Variants in CDH26 observed in about 807,000 individuals in gnomAD.
The protein encoded by CDH26 is cadherin-like protein 26.
CDH26 carries 83 observed loss-of-function variants against 90.3 expected under a neutral mutation model. That is an observed-to-expected ratio of 0.92 (90% CI 0.77 to 1.10). CDH26 has a LOEUF of 1.10. Ranked by LOEUF, CDH26 falls within the 50% of genes least tolerant of loss-of-function variation. CDH26 has a pLI of 0.00. For missense variants in CDH26, 1,013 were observed against 1,037.6 expected, an observed-to-expected ratio of 0.98 and a Z score of 0.33; for synonymous variants, 397 against 396.3, an observed-to-expected ratio of 1.00 and a Z score of -0.02.
rs2061695397 is a variant in CDH26 at position 60,002,922 on chromosome 20, A to G, written c.2220+56A>G. The G allele has an allele frequency of 2.3e-6, 3 of 1,328,416 alleles. No individual in the cohort carries two copies. The Admixed American group carries it at 6.8e-5, about 30-fold the overall frequency. 82.3% of individuals were successfully genotyped at this position (1,328,416 alleles called of 1,614,324 possible). On this transcript the variant is annotated intron_variant, in intron 16 of 17. Coordinates refer to ENST00000348616, the MANE Select transcript of CDH26 (RefSeq NM_177980.4). ...AAATTTACCTTATTGTTCTGCCTAA[A>G]AGCTGTGCAAATCCCTGAAAATTGG... is the stretch of plus-strand genomic sequence containing the variant.
In CDH26 at chr20:59,992,467, C is replaced by A; in HGVS notation, c.1373C>A (p.Ser458Tyr). ...VITVEPIDRE[S>Y]PHVNNSFYVI... is the part of the protein sequence containing the mutation. Reference sequence around the variant, plus strand: ...ACCGTGGAGCCAATTGACCGAGAATCCCCTCATGTAAATAACAGTTTTTAT... The same window carrying A: ...ACCGTGGAGCCAATTGACCGAGAATACCCTCATGTAAATAACAGTTTTTAT... The change falls in exon 10 of 18, where the codon TCC becomes TAC. Residue 458 changes from serine to tyrosine, a missense_variant. Physicochemically the swap from Ser to Tyr is moderately radical, Grantham distance 144. Coordinates refer to ENST00000348616, the MANE Select transcript of CDH26 (RefSeq NM_177980.4). This position sits in a 1 kb window ranked among gnomAD's most constrained non-coding sequence, Gnocchi z 5.0. The A allele has an allele frequency of 1.2e-6, 2 of 1,614,088 alleles. No individual in the cohort carries two copies. The highest frequency in any genetic ancestry group is 1.6e-4 in the Middle Eastern group (1 of 6,062).
intron 1 of CDH26, among the ~76,000 whole-genome samples, chr20:59,967,837 CTTTCTTTCTT>C (rs2061173696): frequency 1.3e-5 from 1 of 76,056 alleles, no homozygotes; most frequent in South Asian, 5.1e-4. Context: ...TTCTTTCTTT[CTTTCTTTCTT>C]TCTTTCTTTC....
intron 13 of CDH26, among the ~76,000 whole-genome samples, chr20:59,997,876 C>T (rs1235933966): frequency 1.3e-5 from 2 of 152,212 alleles, no homozygotes; most frequent in Admixed American, 6.5e-5. Context: ...AGCTGGTGCT[C>T]GCCCAAGGCT....
At position 60,012,543 on chromosome 20, in the gene CDH26, A is replaced by T. The variant is rs556979366; in HGVS notation, c.2312A>T (p.Asn771Ile). Reference protein sequence around the residue: ...ETLNQKLHVANVLEDDPGYLP... With the variant: ...ETLNQKLHVAIVLEDDPGYLP... ...TTTCCCCAGAAACTCCATGTTGCCA[A>T]TGTGCTGGAAGATGACCCCGGCTAC... is the stretch of plus-strand genomic sequence containing the variant. The change falls in exon 18 of 18, where the codon AAT becomes ATT. Residue 771 changes from asparagine (N) to isoleucine (I), a missense_variant. Physicochemically the swap from Asn to Ile is moderately radical, Grantham distance 149. Coordinates refer to ENST00000348616, the MANE Select transcript of CDH26 (RefSeq NM_177980.4). 6.2e-7 allele frequency: 1 copy of T among 1,612,870 alleles called. No individual in the cohort carries two copies. Among genetic ancestry groups the T allele is most frequent in the African/African-American group, 1.3e-5 (1 of 74,982 alleles).
chr20:59,959,438 C>T (rs1477230631), intron 1 of CDH26, among the ~76,000 whole-genome samples: 1 of 151,192 alleles, frequency 6.6e-6, no homozygotes, highest in East Asian at 1.9e-4. Flanking sequence ...GACAGGGTCT[C>T]GTCATCCAGG....
At chr20:60,023,141 G>A (rs1569069290) in intron 7 of CDH26, among the ~76,000 whole-genome samples, 1 of 152,340 alleles carries the variant, frequency 6.6e-6, no homozygotes, top group East Asian at 1.9e-4. Context: ...TCTGGTCACT[G>A]CCGTCAGAGC....
At chr20:59,994,040 G>A (rs2061560467) in intron 10 of CDH26, among the ~76,000 whole-genome samples, 1 of 152,102 alleles carries the variant, frequency 6.6e-6, no homozygotes, top group Admixed American at 6.5e-5. Flanking sequence ...ATTTGAGGTG[G>A]TAAGTGCTTT....
At chr20:59,989,715 T>A (rs2061505569) in intron 9 of CDH26, among the ~76,000 whole-genome samples, 1 of 152,192 alleles carries the variant, frequency 6.6e-6, no homozygotes, top group South Asian at 2.1e-4. Context: ...TTGGTTTTCC[T>A]TTGCATCTTC....
Position 60,020,480 on chromosome 20 carries a change from G to A in CDH26, c.948-10751G>A, listed in dbSNP as rs148724216. Among the ~76,000 whole-genome samples the A allele has an allele frequency of 4.8e-3, 728 of 152,324 alleles. 4 individuals carry two copies. Among genetic ancestry groups the A allele is most frequent in the Admixed American group, 0.013 (192 of 15,304 alleles). ...CGTTTGTCCCACTGGAAATGTGGGCGGTGAAGGGTGGGTTTCTTTTTTGGG... is the reference window on the plus strand; with the variant it reads ...CGTTTGTCCCACTGGAAATGTGGGCAGTGAAGGGTGGGTTTCTTTTTTGGG... On this transcript the variant is annotated intron_variant, in intron 7 of 8. Transcript: ENST00000370991.
intron 4 of CDH26, among the ~76,000 whole-genome samples, chr20:59,974,586 A>T (rs1002020544): frequency 1.3e-5 from 2 of 152,124 alleles, no homozygotes; most frequent in Non-Finnish European, 2.9e-5. Context: ...CATCCCCATT[A>T]ATTCTGTTAT....
At chr20:60,009,687 G>A (rs1228481093) in intron 17 of CDH26, among the ~76,000 whole-genome samples, 1 of 152,120 alleles carries the variant, frequency 6.6e-6, no homozygotes, top group East Asian at 1.9e-4. Flanking sequence ...GGATGGTGGT[G>A]TATGATGAAT....
At chr20:60,006,295 A>G (rs974252240) in intron 16 of CDH26, among the ~76,000 whole-genome samples, 1 of 152,236 alleles carries the variant, frequency 6.6e-6, no homozygotes, top group African/African-American at 2.4e-5. Context: ...AGATCCACAG[A>G]CATGGGCCAG....
In CDH26 at chr20:60,021,877, C is replaced by CAT. The variant is rs1251183870; in HGVS notation, c.948-9353_948-9352insTA. On this transcript the variant is annotated intron_variant, in intron 7 of 8. Coordinates refer to the CDH26 transcript ENST00000370991. Reference sequence around the variant, plus strand: ...ACACACACACACACACACACACACACACACACACACACACACACACATATA... The same window carrying CAT: ...ACACACACACACACACACACACACACATACACACACACACACACACACATATA... Among the ~76,000 whole-genome samples, 305 of 99,456 alleles carry CAT rather than the reference C, an allele frequency of 3.1e-3. 9 individuals carry two copies. The highest frequency in any genetic ancestry group is 3.9e-3 in the African/African-American group (113 of 29,158). The allele number at this position is 99,456 out of a possible 152,430, so 65.2% of individuals were successfully genotyped here.
Position 59,996,750 on chromosome 20 carries a change from A to T in CDH26, c.2008A>T (p.Thr670Ser). Residue 670 changes from threonine (T) to serine (S), a missense_variant, in exon 13 of 18, where the codon ACT (threonine) becomes TCT (serine). Physicochemically the swap from Thr to Ser is moderately conservative, Grantham distance 58. Transcript: ENST00000348616. ...LVMYNAESKG[T>S]SAQTWSDVEG... ...CATGTATAATGCGGAGAGCAAAGGC[A>T]CTTCAGCCCAGGTAGTGGAATGTCA... is the stretch of plus-strand genomic sequence containing the variant. 1 of 1,614,238 alleles carries T rather than the reference A, an allele frequency of 6.2e-7. No homozygotes were observed. Among genetic ancestry groups the T allele is most frequent in the African/African-American group, 1.3e-5 (1 of 75,056 alleles).
chr20:59,958,449 C>T lies in CDH26; in HGVS notation c.-278C>T. ...GCCAGTCTTTTGTGTACGTGCAGGA[C>T]CATGGTGGCTTTAGTTTCTACCCCA... On this transcript the variant is annotated 5_prime_UTR_variant, in exon 1 of 18. Transcript: ENST00000348616. 2.4e-6 allele frequency: 1 copy of T among 418,066 alleles called. No homozygotes were observed. Among genetic ancestry groups the T allele is most frequent in the Non-Finnish European group, 4.3e-6 (1 of 230,340 alleles). The allele number at this position is 418,066 out of a possible 1,614,324, so 25.9% of individuals were successfully genotyped here.
At chr20:60,032,370 C>T (rs958486216) in intron 8 of CDH26, among the ~76,000 whole-genome samples, 1 of 152,072 alleles carries the variant, frequency 6.6e-6, no homozygotes, top group South Asian at 2.1e-4. Context: ...GCCAGGGAGA[C>T]GAGGAGGTGA....
downstream of CDH26, among the ~76,000 whole-genome samples, chr20:60,018,535 G>C (rs1370513099): frequency 6.6e-6 from 1 of 151,708 alleles, no homozygotes. Flanking sequence ...ATATAGTTGG[G>C]TTATTTTAAA....
chr20:59,996,428 T>G, intron 12 of CDH26: 1 of 1,573,428 alleles, frequency 6.4e-7, no homozygotes, highest in Non-Finnish European at 8.6e-7. Context: ...CAGATAGTAT[T>G]ATTGATTAAT....
chr20:59,976,600 T>C (rs1196816849), intron 4 of CDH26, among the ~76,000 whole-genome samples: 1 of 151,984 alleles, frequency 6.6e-6, no homozygotes, highest in Non-Finnish European at 1.5e-5. Context: ...TGGAGGAGAA[T>C]GTAGAGATGG....
Sources: allele counts gnomAD v4.1 joint callset (sites outside exome capture counted in the v4.1 genomes callset), GRCh38; gene constraint gnomAD v4.1.1; non-coding constraint Gnocchi (gnomAD v3.1); transcripts MANE v1.5; gene names NCBI Gene and HGNC (gene_info 2026-07-23, HGNC 2026-07-21).